The following LRRC61 variants were observed in gnomAD, a reference collection of about 807,000 sequenced individuals.
LRRC61 encodes leucine rich repeat containing 61.
LRRC61 carries 9 observed loss-of-function variants against 15.1 expected under a neutral mutation model. The observed-to-expected ratio is 0.60, with a 90% CI of 0.36 to 1.04. LRRC61 has a LOEUF of 1.04. LRRC61 is among the 50% of genes least tolerant of loss of function. The pLI is 0.01. For missense variants in LRRC61, 344 were observed against 335.6 expected, an observed-to-expected ratio of 1.03 and a Z score of -0.20; for synonymous variants, 173 against 158.6, an observed-to-expected ratio of 1.09 and a Z score of -0.68.
chr7:150,331,927 A>T (rs1274507571), intron 2 of LRRC61: 1 of 167,142 alleles, frequency 6.0e-6, no homozygotes, highest in African/African-American at 2.4e-5. Flanking sequence ...GGAGAAACCG[A>T]CTGAAGGGAC....
Position 150,337,212 on chromosome 7 carries a change from T to C in LRRC61, c.351T>C (p.Cys117=). 1 of 1,605,720 alleles carries C rather than the reference T, an allele frequency of 6.2e-7. No individual in the cohort carries two copies. Among genetic ancestry groups the C allele is most frequent in the Non-Finnish European group, 8.5e-7 (1 of 1,179,904 alleles). Residue 117 remains cysteine, a synonymous_variant, in exon 3 of 3, where the codon TGT becomes TGC. Coordinates refer to ENST00000359623, the MANE Select transcript of LRRC61 (RefSeq NM_001142928.2). ...TGGCCACCCCGGGCCAGCTGCAGTG[T>C]CTGGCTGGGCTACCGTGCCTGGAGT... is the stretch of plus-strand genomic sequence containing the variant. ...NLLATPGQLQ[C]LAGLPCLEYL...
rs150637390 is a variant in LRRC61 at position 150,337,071 on chromosome 7, G to A, written c.210G>A (p.Pro70=). The A allele has an allele frequency of 5.1e-5, 83 of 1,612,646 alleles. No homozygotes were observed. The highest frequency in any genetic ancestry group is 1.6e-4 in the Middle Eastern group (1 of 6,082). ...LSGNALTHLG[P]LASLRQLAVL... is the part of the protein sequence containing the mutation. The stretch of plus-strand genomic sequence containing the variant: ...GCAACGCGCTCACCCACCTGGGCCC[G>A]CTGGCCTCCTTGCGCCAGCTAGCTG... Residue 70 remains proline (P), a synonymous_variant, in exon 3 of 3, where the codon CCG becomes CCA. Coordinates refer to ENST00000359623, the MANE Select transcript of LRRC61 (RefSeq NM_001142928.2).
upstream of LRRC61, among the ~76,000 whole-genome samples, chr7:150,322,259 G>C (rs913058535): frequency 2.0e-5 from 3 of 152,168 alleles, no homozygotes; most frequent in Admixed American, 2.0e-4. Flanking sequence ...ATAAGGGCTG[G>C]GTAAAATGAG....
chr7:150,317,664 C>G, the LRRC61 span, among the ~76,000 whole-genome samples: 1 of 152,072 alleles, frequency 6.6e-6, no homozygotes, highest in Non-Finnish European at 1.5e-5. Flanking sequence ...AACAGGAATA[C>G]ATTTCATGTT....
At chr7:150,324,850 C>T (rs368740892) in intron 1 of LRRC61, among the ~76,000 whole-genome samples, 9 of 152,326 alleles carry the variant, frequency 5.9e-5, no homozygotes, top group African/African-American at 1.7e-4. Flanking sequence ...GCTTCTCCCC[C>T]ACTTCCTGCT....
chr7:150,313,341 AG>A, the LRRC61 span, among the ~76,000 whole-genome samples: 1 of 152,316 alleles, frequency 6.6e-6, no homozygotes, highest in South Asian at 2.1e-4. Context: ...TCCAGGTCAT[AG>A]GTAGATTTTA....
At chr7:150,314,102 G>T in the LRRC61 span, among the ~76,000 whole-genome samples, 17 of 152,208 alleles carry the variant, frequency 1.1e-4, no homozygotes, top group Non-Finnish European at 1.5e-5. Context: ...AAGCTGTGGT[G>T]GTAGGGGTGA....
At chr7:150,317,192 C>T in the LRRC61 span, among the ~76,000 whole-genome samples, 1 of 151,988 alleles carries the variant, frequency 6.6e-6, no homozygotes, top group African/African-American at 2.4e-5. Flanking sequence ...GCTGGGATTA[C>T]AGGCGTGCAG....
chr7:150,334,055 T>A, intron 2 of LRRC61: 6 of 985,412 alleles, frequency 6.1e-6, no homozygotes, highest in Non-Finnish European at 7.2e-6. Context: ...GTGGGGTCTT[T>A]CTGCTCCGTT....
chr7:150,311,297 C>A, the LRRC61 span, among the ~76,000 whole-genome samples: 1 of 152,138 alleles, frequency 6.6e-6, no homozygotes, highest in Non-Finnish European at 1.5e-5. Flanking sequence ...AGGAGCCAGG[C>A]CCACAATCTA....
chr7:150,331,345 C>T lies in LRRC61; in HGVS notation c.-145+5335C>T, dbSNP rs981454354. On this transcript the variant is annotated intron_variant, in intron 2 of 2. Coordinates refer to ENST00000359623, the MANE Select transcript of LRRC61 (RefSeq NM_001142928.2). ...GGCAGGTGCCGGTGCTCACCCTGCC[C>T]GTGAACTCCTAGAGAGCCCCTGCCT... 8.0e-6 allele frequency: 4 copies of T among 502,888 alleles called. No individual in the cohort carries two copies. In the East Asian group the frequency reaches 9.6e-5, roughly 12 times the overall value. The allele number at this position is 502,888 out of a possible 1,614,324, so 31.2% of individuals were successfully genotyped here. A position where few individuals can be genotyped will look rare whatever the true frequency, so the allele number is the denominator to read the frequency against.
At chr7:150,323,749 T>C (rs1797816257) in intron 1 of LRRC61, 189 bp downstream of exon 1, 1 of 452,232 alleles carries the variant, frequency 2.2e-6, no homozygotes, top group African/African-American at 2.0e-5. Context: ...CCTGAAATAC[T>C]GTGGTATTAA....
the LRRC61 span, among the ~76,000 whole-genome samples, chr7:150,314,993 TTA>T: frequency 6.8e-6 from 1 of 147,114 alleles, no homozygotes; most frequent in Admixed American, 6.8e-5. Context: ...TTTAATAATA[TTA>T]TTAAATATTA....
chr7:150,314,389 A>G, the LRRC61 span, among the ~76,000 whole-genome samples: 1 of 152,196 alleles, frequency 6.6e-6, no homozygotes, highest in South Asian at 2.1e-4. Flanking sequence ...TGTTTGCACC[A>G]AAGAACACTG....
chr7:150,335,820 C>A lies in LRRC61; in HGVS notation c.-144-898C>A, dbSNP rs9942696. On this transcript the variant is annotated intron_variant, in intron 2 of 2. Transcript: ENST00000359623. This position sits in a 1 kb window ranked among gnomAD's most constrained non-coding sequence, Gnocchi z 4.3. ...ACCCCTGCTTTGTGCCACAGTCATG[C>A]GCTGGCACCTGGACTCACCTGGTCC... is the stretch of plus-strand genomic sequence containing the variant. Among the ~76,000 whole-genome samples, 1 of 152,158 alleles carries A rather than the reference C, an allele frequency of 6.6e-6. No individual in the cohort carries two copies. The highest frequency in any genetic ancestry group is 2.4e-5 in the African/African-American group (1 of 41,422).
At chr7:150,319,014 C>T (rs1250765652), upstream of LRRC61, among the ~76,000 whole-genome samples, 1 of 152,124 alleles carries the variant, frequency 6.6e-6, no homozygotes, top group African/African-American at 2.4e-5. Context: ...CAAAACACTG[C>T]TGAAGTAGGA....
Position 150,337,715 on chromosome 7 carries a change from G to A in LRRC61, c.*74G>A, listed in dbSNP as rs751562608. 5.9e-5 allele frequency: 85 copies of A among 1,439,140 alleles called. No homozygotes were observed. The highest frequency in any genetic ancestry group is 2.4e-4 in the Middle Eastern group (1 of 4,104). 89.1% of individuals were successfully genotyped at this position (1,439,140 alleles called of 1,614,324 possible). A position where few individuals can be genotyped will look rare whatever the true frequency, so the allele number is the denominator to read the frequency against. ...AGTTCCCCTCTCTGCCCCCACACTC[G>A]TCTTAGTTGCTTCACACTGGTCACT... On this transcript the variant is annotated 3_prime_UTR_variant, in exon 3 of 3. Coordinates refer to ENST00000359623, the MANE Select transcript of LRRC61 (RefSeq NM_001142928.2).
Sources: allele counts gnomAD v4.1 joint callset (sites outside exome capture counted in the v4.1 genomes callset), GRCh38; gene constraint gnomAD v4.1.1; non-coding constraint Gnocchi (gnomAD v3.1); transcripts MANE v1.5; gene names NCBI Gene and HGNC (gene_info 2026-07-23, HGNC 2026-07-21).